Variants in ALG3 observed in about 807,000 individuals in gnomAD.
The protein encoded by ALG3 is dol-P-Man:Man(5)GlcNAc(2)-PP-Dol alpha-1,3-mannosyltransferase.
ALG3 carries 39 observed loss-of-function variants against 50.5 expected under a neutral mutation model. The observed-to-expected ratio is 0.77, with a 90% confidence interval of 0.60 to 1.01. The LOEUF (loss-of-function observed/expected upper bound fraction) is 1.01. Ranked by LOEUF, ALG3 falls within the 50% of genes least tolerant of loss-of-function variation. The pLI, the probability that ALG3 is intolerant of heterozygous loss-of-function variation, is 0.00. For missense variants in ALG3, 520 were observed against 554.8 expected, an observed-to-expected ratio of 0.94 and a Z score of 0.63; for synonymous variants, 252 against 237.2, an observed-to-expected ratio of 1.06 and a Z score of -0.58.
intron 5 of ALG3, chr3:184,244,278 T>C: frequency 1.9e-6 from 1 of 534,530 alleles, no homozygotes; most frequent in Non-Finnish European, 3.3e-6. Flanking sequence ...GCAGGGTGGC[T>C]CATGCCCAAA....
chr3:184,249,074 C>T, upstream of ALG3: 1 of 1,486,630 alleles, frequency 6.7e-7, no homozygotes. Flanking sequence ...ATTTACTCCA[C>T]TAAAATGTAA....
intron 1 of ALG3, 128 bp from the exon 2 acceptor site, chr3:184,245,940 A>G: frequency 1.5e-6 from 1 of 681,908 alleles, no homozygotes; most frequent in East Asian, 2.8e-5. Context: ...TCTTAATCTA[A>G]CTCTTTATCT....
intron 8 of ALG3, 50 bp downstream of exon 8, chr3:184,242,763 A>C: frequency 6.2e-7 from 1 of 1,604,480 alleles, no homozygotes; most frequent in Non-Finnish European, 8.5e-7. Context: ...TAAACCCCCA[A>C]CAGGAACTCC....
Position 184,248,764 on chromosome 3 carries a change from C to A in ALG3, c.177G>T (p.Trp59Cys). The A allele has an allele frequency of 6.3e-7, 1 of 1,594,712 alleles. No individual in the cohort carries two copies. The highest frequency in any genetic ancestry group is 8.6e-7 in the Non-Finnish European group (1 of 1,167,800). Residue 59 changes from tryptophan (W) to cysteine (C), a missense_variant, in exon 1 of 9, where the codon TGG becomes TGT. Physicochemically the swap from Trp to Cys is radical, Grantham distance 215 (BLOSUM62 -2). Transcript: ENST00000397676. ...LCLAEVGITF[W>C]VIHRVAYTEI... ...ACTCACATGCCACCCTGTGAATGAC[C>A]CAGAAGGTGATGCCCACCTCCGCCA...
intron 4 of ALG3, 134 bp downstream of exon 4, chr3:184,245,064 T>A: frequency 8.3e-7 from 1 of 1,209,646 alleles, no homozygotes; most frequent in Non-Finnish European, 1.2e-6. Flanking sequence ...TTTCTATAGA[T>A]CCTGGACTCG....
chr3:184,248,713 C>T, intron 1 of ALG3, 32 bp downstream of exon 1: 15 of 549,626 alleles, frequency 2.7e-5, no homozygotes, highest in East Asian at 7.5e-5. Flanking sequence ...AGGTCTCCCT[C>T]CCTCCCCTCC....
chr3:184,248,189 T>C (rs1719279707), intron 1 of ALG3, among the ~76,000 whole-genome samples: 2 of 152,224 alleles, frequency 1.3e-5, no homozygotes, highest in East Asian at 3.8e-4. Flanking sequence ...TACCTCTCTC[T>C]GGTAACCAGC....
Position 184,242,558 on chromosome 3 carries a change from G to A in ALG3, c.1273C>T (p.Gln425Ter), listed in dbSNP as rs749562462. Reference sequence around the variant, plus strand: ...TGTTGGGTGCTCTTGGGGAAAGGCTGCGGGCCCAGCCAGAGCTGCAGCAGG... The same window carrying A: ...TGTTGGGTGCTCTTGGGGAAAGGCTACGGGCCCAGCCAGAGCTGCAGCAGG... ...VILLQLWLGPQPFPKSTQHSK... is the reference protein window; with the variant it reads ...VILLQLWLGP The change falls in exon 9 of 9, where the codon CAG (glutamine) becomes TAG (stop). Residue 425 changes from glutamine to a stop codon, truncating the protein, a stop_gained. Coordinates refer to ENST00000397676, the MANE Select transcript of ALG3 (RefSeq NM_005787.6). LOFTEE classifies it high-confidence loss of function. The A allele has an allele frequency of 6.2e-7, 1 of 1,611,460 alleles. No homozygotes were observed. The highest frequency in any genetic ancestry group is 8.5e-7 in the Non-Finnish European group (1 of 1,178,026).
At chr3:184,242,729 C>T (rs1157694823) in intron 8 of ALG3, 53 bp from the exon 9 acceptor site, 1 of 1,583,170 alleles carries the variant, frequency 6.3e-7, no homozygotes, top group Non-Finnish European at 8.6e-7. Context: ...GCCTGCAGAC[C>T]TGCAGCTCCT....
upstream of ALG3, chr3:184,249,395 G>T: frequency 8.5e-7 from 1 of 1,182,562 alleles, no homozygotes; most frequent in Non-Finnish European, 1.2e-6. Flanking sequence ...CAGATTTCCT[G>T]ATAAAAGTCA....
chr3:184,244,873 G>A, intron 4 of ALG3, 152 bp from the exon 5 acceptor site: 1 of 1,161,480 alleles, frequency 8.6e-7, no homozygotes, highest in Non-Finnish European at 1.2e-6. Flanking sequence ...ACAACTGTTG[G>A]AGGGAAGAGC....
At chr3:184,243,068 T>C (rs1360376834) in intron 7 of ALG3, 111 bp from the exon 8 acceptor site, 2 of 1,448,672 alleles carry the variant, frequency 1.4e-6, no homozygotes, top group Admixed American at 2.0e-5. Flanking sequence ...CATTCCTTGA[T>C]GCATGCCTTT....
At chr3:184,242,705 C>T in intron 8 of ALG3, 29 bp from the exon 9 acceptor site, 1 of 1,565,742 alleles carries the variant, frequency 6.4e-7, no homozygotes. Flanking sequence ...TTCCACGTTT[C>T]ATCCAGTTGC....
At chr3:184,249,299 A>C (rs752280449), upstream of ALG3, 9 of 1,605,904 alleles carry the variant, frequency 5.6e-6, no homozygotes, top group Non-Finnish European at 7.7e-6. Flanking sequence ...CTGTCTCTCC[A>C]GGAGGGCAAA....
chr3:184,245,458 A>G lies in ALG3; in HGVS notation c.444+10T>C, dbSNP rs755668240. 6 of 1,613,822 alleles carry G rather than the reference A, an allele frequency of 3.7e-6. No individual in the cohort carries two copies. Among genetic ancestry groups the G allele is most frequent in the Non-Finnish European group, 5.1e-6 (6 of 1,179,720 alleles). On this transcript the variant is annotated intron_variant, in intron 3 of 8. Transcript: ENST00000397676. ...GCTGGGGCCCTCTAGCCCTGGTAGC[A>G]TGGACTCACCTTGCAGGTCTGGTGA...
At chr3:184,244,840 A>C in intron 4 of ALG3, 119 bp from the exon 5 acceptor site, 24 of 1,349,926 alleles carry the variant, frequency 1.8e-5, no homozygotes, top group Non-Finnish European at 2.1e-5. Context: ...ACGCCAACAA[A>C]CTCCAAGATG....
chr3:184,248,751 C>G lies in ALG3; in HGVS notation c.190G>C (p.Val64Leu), dbSNP rs777536230. The part of the protein sequence containing the change: ...VGITFWVIHR[V>L]AYTEIDWKAY... ...TCCCCCTCGGCGCACTCACATGCCA[C>G]CCTGTGAATGACCCAGAAGGTGATG... The change falls in exon 1 of 9, where the codon GTG becomes CTG. Residue 64 changes from valine (V) to leucine (L), a missense_variant. Physicochemically the swap from Val to Leu is conservative, Grantham distance 32. Around this residue, in one of 3 missense-constraint regions of ALG3, gnomAD observed 290 missense variants for 265.9 expected, o/e 1.09. Transcript: ENST00000397676. 13 of 1,570,132 alleles carry G rather than the reference C, an allele frequency of 8.3e-6. No individual in the cohort carries two copies. Among genetic ancestry groups the G allele is most frequent in the Non-Finnish European group, 1.0e-5 (12 of 1,152,854 alleles).
intron 1 of ALG3, 122 bp downstream of exon 1, chr3:184,248,623 G>T: frequency 3.4e-6 from 3 of 891,280 alleles, no homozygotes; most frequent in South Asian, 3.6e-5. Context: ...GGATATGGAT[G>T]GGTTCGCAAT....
intron 5 of ALG3, chr3:184,244,253 G>C (rs1005376014): frequency 1.8e-5 from 10 of 543,104 alleles, no homozygotes; most frequent in Non-Finnish European, 2.6e-5. Context: ...AGCAAGGAAG[G>C]CTCTCAGAAG....
Sources: allele counts gnomAD v4.1 joint callset (sites outside exome capture counted in the v4.1 genomes callset), GRCh38; gene constraint gnomAD v4.1.1; regional missense constraint gnomAD v4.1.1; transcripts MANE v1.5; gene names NCBI Gene and HGNC (gene_info 2026-07-23, HGNC 2026-07-21).